PSMD4: variants seen among roughly 807,000 people sequenced by gnomAD.
PSMD4 encodes the protein 26S proteasome non-ATPase regulatory subunit 4.
PSMD4 carries 5 observed loss-of-function variants against 39.7 expected under a neutral mutation model. The observed-to-expected ratio is 0.13, with a 90% confidence interval of 0.07 to 0.26. The LOEUF (loss-of-function observed/expected upper bound fraction) is 0.26, where lower values mean the gene tolerates loss of function less well. PSMD4 is among the 10% of genes least tolerant of loss of function. PSMD4 has a pLI of 1.00. For synonymous variants in PSMD4, 143 were observed against 174.6 expected, an observed-to-expected ratio of 0.82 and a Z score of 1.43; for missense variants, 272 against 486.1, an observed-to-expected ratio of 0.56 and a Z score of 4.14.
chr1:151,266,444 G>A lies in PSMD4; in HGVS notation c.895+5G>A, dbSNP rs1693450897. On this transcript the variant is annotated splice_donor_5th_base_variant and intron_variant, in intron 8 of 9. Coordinates refer to ENST00000368884, the MANE Select transcript of PSMD4 (RefSeq NM_002810.4). ...AGATGTCCCTGCAGGGAGCAGGTGAGCCAGAGCCTGGGTGGTGCCTAGGCA... is the reference window on the plus strand; with the variant it reads ...AGATGTCCCTGCAGGGAGCAGGTGAACCAGAGCCTGGGTGGTGCCTAGGCA... 6.2e-7 allele frequency: 1 copy of A among 1,614,110 alleles called. No individual in the cohort carries two copies. Among genetic ancestry groups the A allele is most frequent in the Non-Finnish European group, 8.5e-7 (1 of 1,180,056 alleles).
At position 151,261,044 on chromosome 1, in the gene PSMD4, C is replaced by A. The variant is rs148679301; in HGVS notation, c.27-1117C>A. ...TATTTTTAGTAGAGACGGGGTTTCA[C>A]AATGTTAGCCAACACTGGTCTCTAA... On this transcript the variant is annotated intron_variant, in intron 1 of 9. Transcript: ENST00000368884. Among the ~76,000 whole-genome samples the A allele has an allele frequency of 9.2e-3, 1,398 of 151,858 alleles. 30 individuals are homozygous for A. The highest frequency in any genetic ancestry group is 0.032 in the African/African-American group (1,324 of 41,418).
At chr1:151,263,091 G>A (rs923757374) in intron 2 of PSMD4, among the ~76,000 whole-genome samples, 1 of 152,176 alleles carries the variant, frequency 6.6e-6, no homozygotes, top group African/African-American at 2.4e-5. Context: ...ATATTTGGAA[G>A]TAGAGGGCAG....
intron 1 of PSMD4, 120 bp from the exon 2 acceptor site, chr1:151,262,041 A>G: frequency 4.7e-6 from 5 of 1,064,770 alleles, no homozygotes; most frequent in East Asian, 2.4e-5. Flanking sequence ...TTTAAAAAAG[A>G]AAAAAAGCTA....
At chr1:151,265,747 C>T in intron 6 of PSMD4, 138 bp downstream of exon 6, 2 of 975,788 alleles carry the variant, frequency 2.0e-6, no homozygotes, top group Non-Finnish European at 3.0e-6. Context: ...CCTTTTGCCG[C>T]CTCTTCCCTA....
chr1:151,262,321 A>G lies in PSMD4; in HGVS notation c.167+20A>G, dbSNP rs1693336346. 6.2e-7 allele frequency: 1 copy of G among 1,613,940 alleles called. No homozygotes were observed. The highest frequency in any genetic ancestry group is 1.7e-5 in the Admixed American group (1 of 59,980). ...GGCTAAGTATGGGGGACAGAGGAGG[A>G]GGGGACTCAGTAGGTGGGTGGTTGT... On this transcript the variant is annotated intron_variant, in intron 2 of 9. Transcript: ENST00000368884.
rs587767350 is a variant in PSMD4, at chr1:151,264,525, C to T, written c.283-307C>T. Among the ~76,000 whole-genome samples, 6 of 151,462 alleles carry T rather than the reference C, an allele frequency of 4.0e-5. No individual in the cohort carries two copies. In the South Asian group the frequency reaches 6.3e-4, roughly 16 times the overall value. On this transcript the variant is annotated intron_variant, in intron 3 of 9. Coordinates refer to ENST00000368884, the MANE Select transcript of PSMD4 (RefSeq NM_002810.4). ...ACTAGGAAGGCTGAGGCAGGATAAT[C>T]GCTGGAACCCGGGAGGTGGAGGTTG...
At chr1:151,261,837 C>T (rs748243630) in intron 1 of PSMD4, among the ~76,000 whole-genome samples, 1 of 151,782 alleles carries the variant, frequency 6.6e-6, no homozygotes, top group Non-Finnish European at 1.5e-5. Context: ...CACCTATAGT[C>T]CCAGCTACTT....
chr1:151,266,015 A>G lies in PSMD4; in HGVS notation c.666A>G (p.Val222=), dbSNP rs1185165676. Reference sequence around the variant, plus strand: ...CTGCCCTTCACCAGGCCCTTCGTGTATCTATGGAAGAGCAGCGGCAGCGGC... The same window carrying G: ...CTGCCCTTCACCAGGCCCTTCGTGTGTCTATGGAAGAGCAGCGGCAGCGGC... ...ADPELALALR[V]SMEEQRQRQE... Residue 222 remains valine, a synonymous_variant, in exon 7 of 10, where the codon GTA becomes GTG. Transcript: ENST00000368884. The G allele has an allele frequency of 2.5e-6, 4 of 1,600,924 alleles. No individual in the cohort carries two copies. The Admixed American group carries it at 5.1e-5, about 21-fold the overall frequency.
At position 151,265,066 on chromosome 1, in the gene PSMD4, T is replaced by C. The variant is rs1008258120; in HGVS notation, c.370-100T>C. ...AATTCAGTGATTCTGTTGGAGGACC[T>C]TGGGGAGGTCAATAGATTTCTGTAT... is the stretch of plus-strand genomic sequence containing the variant. On this transcript the variant is annotated intron_variant, in intron 4 of 9. Transcript: ENST00000368884. 5 of 1,312,228 alleles carry C rather than the reference T, an allele frequency of 3.8e-6. No homozygotes were observed. In the African/African-American group the frequency reaches 5.9e-5, roughly 15 times the overall value. 81.3% of individuals were successfully genotyped at this position (1,312,228 alleles called of 1,614,324 possible).
rs1693449175 is a variant in PSMD4 at position 151,266,357 on chromosome 1, C to T, written c.813C>T (p.Gly271=). ...TGACCATCAGCCAGCAAGAGTTTGG[C>T]CGCACTGGGCTTCCTGACCTAAGCA... is the stretch of plus-strand genomic sequence containing the variant. ...LKMTISQQEF[G]RTGLPDLSSM... The change falls in exon 8 of 10, where the codon GGC becomes GGT. Residue 271 remains glycine (G), a synonymous_variant. Coordinates refer to ENST00000368884, the MANE Select transcript of PSMD4 (RefSeq NM_002810.4). 2 of 1,614,182 alleles carry T rather than the reference C, an allele frequency of 1.2e-6. No homozygotes were observed. The highest frequency in any genetic ancestry group is 1.7e-4 in the Middle Eastern group (1 of 6,060).
chr1:151,264,197 G>GA, intron 3 of PSMD4, among the ~76,000 whole-genome samples, 169 bp downstream of exon 3: 1 of 152,162 alleles, frequency 6.6e-6, no homozygotes, highest in East Asian at 1.9e-4. Context: ...GTTGTGAAGG[G>GA]AAAAATCCCT....
chr1:151,262,372 A>G (rs1693337294), intron 2 of PSMD4, 71 bp downstream of exon 2: 3 of 1,585,102 alleles, frequency 1.9e-6, no homozygotes, highest in East Asian at 2.2e-5. Context: ...TTTAGATTCC[A>G]TGAAGCTGCT....
At chr1:151,256,011 G>GT (rs1268799923) in intron 1 of PSMD4, among the ~76,000 whole-genome samples, 1 of 151,750 alleles carries the variant, frequency 6.6e-6, no homozygotes, top group Non-Finnish European at 1.5e-5. Context: ...TGATATTGAG[G>GT]TTTTTTTAAT....
chr1:151,266,656 G>A (rs1290465151), intron 9 of PSMD4, 69 bp downstream of exon 9: 3 of 1,544,298 alleles, frequency 1.9e-6, no homozygotes, highest in African/African-American at 2.7e-5. Flanking sequence ...TCTGGGGCTG[G>A]GAGTATTTCT....
intron 1 of PSMD4, among the ~76,000 whole-genome samples, chr1:151,259,905 A>C (rs945246912): frequency 3.9e-5 from 6 of 152,046 alleles, no homozygotes; most frequent in African/African-American, 1.4e-4. Context: ...AATTCTAAAA[A>C]GAAGAAATGA....
rs1343333956 is a variant in PSMD4, at chr1:151,267,194, A to T, written c.985A>T (p.Met329Leu). The T allele has an allele frequency of 3.7e-6, 6 of 1,613,912 alleles. No homozygotes were observed. Among genetic ancestry groups the T allele is most frequent in the Non-Finnish European group, 5.1e-6 (6 of 1,179,836 alleles). ...PAKEEDDYDV[M>L]QDPEFLQSVL... is the part of the protein sequence containing the mutation. ...GCAGGAGGAGGATGATTACGACGTG[A>T]TGCAGGACCCCGAGTTCCTTCAGAG... Residue 329 changes from methionine (M) to leucine (L), a missense_variant, in exon 10 of 10, where the codon ATG (methionine) becomes TTG (leucine). Physicochemically the swap from Met to Leu is conservative, Grantham distance 15. This residue lies in a region of PSMD4 where 113 missense variants were observed against 184.6 expected (regional missense o/e 0.61). Coordinates refer to ENST00000368884, the MANE Select transcript of PSMD4 (RefSeq NM_002810.4).
At chr1:151,258,468 TTTTTTTG>T (rs1159217143) in intron 1 of PSMD4, among the ~76,000 whole-genome samples, 2 of 101,108 alleles carry the variant, frequency 2.0e-5, no homozygotes, top group African/African-American at 3.6e-5. Context: ...TTTTTTTTTT[TTTTTTTG>T]GGGGAGACAG....
At chr1:151,258,451 G>GTTTTTT (rs869128528) in intron 1 of PSMD4, among the ~76,000 whole-genome samples, 3 of 99,586 alleles carry the variant, frequency 3.0e-5, no homozygotes, top group African/African-American at 8.4e-5. Context: ...CTTTTCGAGT[G>GTTTTTT]TTTTTTTTTT....
In PSMD4 at chr1:151,254,758, G is replaced by A. The variant is rs1260514165; in HGVS notation, c.-25G>A. ...TGTTGTTAGGCCGTCCCGGAGACCC[G>A]GTCGGGAGGGAGGAAGGTGGCAAGA... On this transcript the variant is annotated 5_prime_UTR_variant, in exon 1 of 10. Transcript: ENST00000368884. The A allele has an allele frequency of 1.3e-6, 2 of 1,557,080 alleles. No individual in the cohort carries two copies. Among genetic ancestry groups the A allele is most frequent in the South Asian group, 1.2e-5 (1 of 84,302 alleles).
Sources: gnomAD v4.1 joint callset for allele counts (sites outside exome capture counted in the v4.1 genomes callset) on GRCh38, gnomAD v4.1.1 for gene constraint, gnomAD v4.1.1 regional missense constraint, MANE v1.5 for transcripts, NCBI Gene and HGNC (gene_info 2026-07-23, HGNC 2026-07-21) for gene names.